Variants in RAD51B observed in about 807,000 individuals in gnomAD.
RAD51B encodes the protein DNA repair protein RAD51 homolog 2.
RAD51B carries 38 observed loss-of-function variants against 42.2 expected under a neutral mutation model. That is an observed-to-expected ratio of 0.90 (90% CI 0.70 to 1.18). RAD51B has a LOEUF of 1.18. Among genes scored for constraint, RAD51B ranks in the 50% most tolerant of loss-of-function variants. The probability of loss-of-function intolerance (pLI) is 0.00; values close to 1 mark genes in which losing one functional copy is unlikely to be tolerated. For missense variants in RAD51B, 373 were observed against 400.7 expected, an observed-to-expected ratio of 0.93 and a Z score of 0.59; for synonymous variants, 154 against 145.2, an observed-to-expected ratio of 1.06 and a Z score of -0.43.
chr14:68,537,569 A>C (rs1225908898), intron 10 of RAD51B, among the ~76,000 whole-genome samples: 1 of 152,168 alleles, frequency 6.6e-6, no homozygotes, highest in African/African-American at 2.4e-5. Flanking sequence ...TACCTCTGCA[A>C]TATCCTTTTA....
At chr14:68,334,224 T>C (rs559647262) in intron 8 of RAD51B, among the ~76,000 whole-genome samples, 1 of 152,242 alleles carries the variant, frequency 6.6e-6, no homozygotes, top group South Asian at 2.1e-4. Context: ...TCCAAAACTT[T>C]ATTAGCCTAC....
intron 10 of RAD51B, among the ~76,000 whole-genome samples, chr14:68,602,688 A>C (rs1175815931): frequency 4.6e-5 from 7 of 152,216 alleles, no homozygotes; most frequent in Non-Finnish European, 8.8e-5. Flanking sequence ...GACAAGGCCC[A>C]CCCACGTTGC....
rs138103541 is a variant in RAD51B, at chr14:68,402,740, A to G, written c.854-8684A>G. ...AGTGGTGCATTCTCAAACTTCCTGG[A>G]ACAAGTGAGGTTCTCGATGAGGAAC... is the stretch of plus-strand genomic sequence containing the variant. On this transcript the variant is annotated intron_variant, in intron 8 of 10. Transcript: ENST00000471583. Among the ~76,000 whole-genome samples the G allele has an allele frequency of 1.9e-3, 285 of 152,330 alleles. 2 individuals carry two copies. The highest frequency in any genetic ancestry group is 6.7e-3 in the African/African-American group (278 of 41,564).
rs757266294 is a variant in RAD51B at position 68,477,629 on chromosome 14, T to A, written c.1037-19T>A. 1.4e-6 allele frequency: 2 copies of A among 1,393,470 alleles called. No homozygotes were observed. The highest frequency in any genetic ancestry group is 5.2e-5 in the East Asian group (2 of 38,186). 86.3% of individuals were successfully genotyped at this position (1,393,470 alleles called of 1,614,324 possible). The stretch of plus-strand genomic sequence containing the variant: ...ATTTTTTTTTTTCAAACTTTCTCTT[T>A]TTTTTTTTTTTCCTTTAGGCCAAGA... On this transcript the variant is annotated intron_variant, in intron 10 of 10. Transcript: ENST00000471583.
At chr14:68,618,955 TC>T (rs548645819) in intron 10 of RAD51B, among the ~76,000 whole-genome samples, 13 of 152,102 alleles carry the variant, frequency 8.5e-5, no homozygotes, top group Non-Finnish European at 1.8e-4. Context: ...TATAGCCTGG[TC>T]AGTGCTAAGA....
At chr14:67,955,521 A>G (rs1364728623) in intron 7 of RAD51B, among the ~76,000 whole-genome samples, 1 of 152,204 alleles carries the variant, frequency 6.6e-6, no homozygotes, top group Non-Finnish European at 1.5e-5. Context: ...TTCTGTTTAT[A>G]TGAAAGATAT....
intron 7 of RAD51B, among the ~76,000 whole-genome samples, chr14:68,289,028 A>C (rs1462336100): frequency 4.6e-5 from 7 of 152,204 alleles, no homozygotes; most frequent in Admixed American, 2.0e-4. Context: ...ATTTTTACAC[A>C]AATTCTTTGC....
intron 10 of RAD51B, among the ~76,000 whole-genome samples, chr14:68,486,595 C>T (rs1883644148): frequency 6.6e-6 from 1 of 152,234 alleles, no homozygotes; most frequent in Non-Finnish European, 1.5e-5. Context: ...CTAACTAGAA[C>T]ACCTGGTGAA....
intron 10 of RAD51B, among the ~76,000 whole-genome samples, chr14:68,476,142 C>A (rs1419342270): frequency 6.6e-6 from 1 of 151,808 alleles, no homozygotes; most frequent in African/African-American, 2.4e-5. Flanking sequence ...ACTGTGATAC[C>A]TATTACCAAG....
At chr14:68,585,056 G>A (rs544329721) in intron 10 of RAD51B, among the ~76,000 whole-genome samples, 1 of 152,278 alleles carries the variant, frequency 6.6e-6, no homozygotes, top group East Asian at 1.9e-4. Context: ...ATAGGATGCG[G>A]CGGTCAGGAA....
At chr14:67,913,003 C>A (rs950974931) in intron 7 of RAD51B, among the ~76,000 whole-genome samples, 1 of 152,276 alleles carries the variant, frequency 6.6e-6, no homozygotes, top group South Asian at 2.1e-4. Flanking sequence ...TGCACCCGGC[C>A]TTACTTCTCT....
chr14:68,078,214 A>G (rs2076863894), intron 7 of RAD51B, among the ~76,000 whole-genome samples: 2 of 152,222 alleles, frequency 1.3e-5, no homozygotes, highest in Middle Eastern at 3.4e-3. Flanking sequence ...GGGCCTTGCT[A>G]TGTTGTCCTG....
intron 7 of RAD51B, among the ~76,000 whole-genome samples, chr14:68,182,398 G>A (rs573186154): frequency 1.3e-5 from 2 of 152,338 alleles, no homozygotes; most frequent in African/African-American, 4.8e-5. Flanking sequence ...AAGGGCAGCA[G>A]GATTTGCTTG....
Position 68,478,072 on chromosome 14 carries a change from G to A in RAD51B, c.*408G>A, listed in dbSNP as rs886578340. On this transcript the variant is annotated 3_prime_UTR_variant, in exon 11 of 11. Transcript: ENST00000471583. ...TGTAATTACAGGAGGGAACATTTCC[G>A]AATAAAGTATTGTCTACCAGATAAA... 8.5e-6 allele frequency: 9 copies of A among 1,060,358 alleles called. No individual in the cohort carries two copies. Among genetic ancestry groups the A allele is most frequent in the Non-Finnish European group, 6.8e-6 (6 of 876,708 alleles). The allele number at this position is 1,060,358 out of a possible 1,614,324, so 65.7% of individuals were successfully genotyped here.
intron 7 of RAD51B, among the ~76,000 whole-genome samples, chr14:67,996,176 G>A (rs539409231): frequency 1.3e-5 from 2 of 151,552 alleles, no homozygotes; most frequent in South Asian, 4.2e-4. Context: ...TGGGAGGATC[G>A]CTTGAGCCCA....
At chr14:68,462,837 A>G (rs1016407956) in intron 9 of RAD51B, among the ~76,000 whole-genome samples, 1 of 152,216 alleles carries the variant, frequency 6.6e-6, no homozygotes, top group Non-Finnish European at 1.5e-5. Flanking sequence ...GATGGGATTA[A>G]CTGCCCACAT....
intron 2 of RAD51B, among the ~76,000 whole-genome samples, chr14:67,823,863 G>T (rs1594955609): frequency 6.6e-6 from 1 of 152,154 alleles, no homozygotes; most frequent in African/African-American, 2.4e-5. Flanking sequence ...CACGGCATAA[G>T]GTGAAGTAAC....
intron 10 of RAD51B, chr14:68,540,961 T>A: frequency 1.0e-6 from 1 of 985,474 alleles, no homozygotes; most frequent in African/African-American, 1.7e-5. Flanking sequence ...ACAACTATAA[T>A]ACATCTTTGA....
chr14:67,942,440 T>C (rs1427073116), intron 7 of RAD51B, among the ~76,000 whole-genome samples: 2 of 152,220 alleles, frequency 1.3e-5, no homozygotes, highest in Admixed American at 6.5e-5. Flanking sequence ...AGGTTAATGA[T>C]AGGAACCCTA....
Sources: gnomAD v4.1 joint callset for allele counts (sites outside exome capture counted in the v4.1 genomes callset) on GRCh38, gnomAD v4.1.1 for gene constraint, MANE v1.5 for transcripts, NCBI Gene and HGNC (gene_info 2026-07-23, HGNC 2026-07-21) for gene names.